The following SPOCK1 variants were observed in gnomAD, a reference collection of about 807,000 sequenced individuals.
SPOCK1 encodes the protein SPARC (osteonectin), cwcv and kazal like domains proteoglycan 1.
In SPOCK1, 23 loss-of-function variants were observed where a neutral mutation model predicts 55.3. That is an observed-to-expected ratio of 0.42 (90% CI 0.30 to 0.59). The LOEUF (loss-of-function observed/expected upper bound fraction) is 0.59. Among genes scored for constraint, SPOCK1 ranks in the 20% least tolerant of loss-of-function variants. The pLI is 0.22. For synonymous variants in SPOCK1, 226 were observed against 221.0 expected (o/e 1.02, Z -0.20); for missense variants, 499 against 552.5 (o/e 0.90, Z 0.97).
intron 2 of SPOCK1, among the ~76,000 whole-genome samples, chr5:137,350,096 AGT>A (rs1457948634): frequency 6.6e-6 from 1 of 152,202 alleles, no homozygotes; most frequent in Non-Finnish European, 1.5e-5. Context: ...TTCCTCTAGC[AGT>A]TCAAACAGAA....
At chr5:137,151,453 T>G (rs1050744361) in intron 3 of SPOCK1, among the ~76,000 whole-genome samples, 34 of 152,230 alleles carry the variant, frequency 2.2e-4, no homozygotes, top group Non-Finnish European at 4.7e-4. Context: ...TTAGGAGCTC[T>G]TTGGTAGAAA....
chr5:137,012,037 C>T (rs989667637), intron 6 of SPOCK1, among the ~76,000 whole-genome samples: 6 of 152,214 alleles, frequency 3.9e-5, no homozygotes, highest in African/African-American at 1.4e-4. Flanking sequence ...AGAAAATCCA[C>T]TGAAATTATT....
At chr5:137,079,026 A>G (rs534016299) in intron 5 of SPOCK1, among the ~76,000 whole-genome samples, 2 of 152,160 alleles carry the variant, frequency 1.3e-5, no homozygotes, top group South Asian at 2.1e-4. Flanking sequence ...CTTGCAGACC[A>G]CGCTTACTCC....
At position 137,292,426 on chromosome 5, in the gene SPOCK1, TAAAAAAAAAAAAAAAAAAAAAAAAAAAAA is replaced by T. The variant is rs753574851; in HGVS notation, c.187-25400_187-25372del. On this transcript the variant is annotated intron_variant, in intron 2 of 10. Coordinates refer to ENST00000394945, the MANE Select transcript of SPOCK1 (RefSeq NM_004598.4). The stretch of plus-strand genomic sequence containing the variant: ...TATGCTGTCCATTCACTGGTGTAGT[TAAAAAAAAAAAAAAAAAAAAAAAAAAAAA>T]AAAAAAAAAAAAAAAAGTTGGAGGA... 4.6e-3 allele frequency among the ~76,000 whole-genome samples: 175 copies of T among 38,006 alleles called. 4 individuals carry two copies. The highest frequency in any genetic ancestry group is 7.4e-3 in the Non-Finnish European group (153 of 20,634). The allele number at this position is 38,006 out of a possible 152,430, so 24.9% of individuals were successfully genotyped here.
At chr5:137,014,636 T>C (rs1751416401) in intron 6 of SPOCK1, among the ~76,000 whole-genome samples, 1 of 152,168 alleles carries the variant, frequency 6.6e-6, no homozygotes, top group Non-Finnish European at 1.5e-5. Flanking sequence ...CTCTCAGATC[T>C]ATCCACAAGA....
In SPOCK1 at chr5:137,045,488, GTTGT is replaced by G. The variant is rs1346008844; in HGVS notation, c.589+22223_589+22226del. On this transcript the variant is annotated intron_variant, in intron 6 of 10. Transcript: ENST00000394945. The stretch of plus-strand genomic sequence containing the variant: ...TGTCCTTCGCCCACTTTTTGATGGG[GTTGT>G]TTGTTTTTTTCTTGTAAATTTGTTT... 2.7e-3 allele frequency among the ~76,000 whole-genome samples: 24 copies of G among 8,942 alleles called. 1 individual carries two copies. The highest frequency in any genetic ancestry group is 0.022 in the Admixed American group (21 of 964). The allele number at this position is 8,942 out of a possible 152,430, so 5.9% of individuals were successfully genotyped here. A position where few individuals can be genotyped will look rare whatever the true frequency, so the allele number is the denominator to read the frequency against.
intron 2 of SPOCK1, among the ~76,000 whole-genome samples, chr5:137,326,161 G>T (rs1758073232): frequency 6.6e-6 from 1 of 152,058 alleles, no homozygotes; most frequent in African/African-American, 2.4e-5. Flanking sequence ...ATGAAAAAAA[G>T]GCAGCTCCCA....
At chr5:137,222,743 C>A (rs765925002) in intron 3 of SPOCK1, among the ~76,000 whole-genome samples, 1 of 152,186 alleles carries the variant, frequency 6.6e-6, no homozygotes, top group Non-Finnish European at 1.5e-5. Flanking sequence ...ATTAATTGAG[C>A]ACCTACTGTG....
intron 6 of SPOCK1, among the ~76,000 whole-genome samples, chr5:137,041,942 C>T (rs1752008573): frequency 6.6e-6 from 1 of 152,168 alleles, no homozygotes; most frequent in Non-Finnish European, 1.5e-5. Context: ...AGTAACAGCA[C>T]TCCTAAGTAT....
intron 2 of SPOCK1, among the ~76,000 whole-genome samples, chr5:137,452,117 T>C (rs1753266531): frequency 6.6e-6 from 1 of 152,242 alleles, no homozygotes; most frequent in Admixed American, 6.5e-5. Flanking sequence ...GGATTTGGGA[T>C]GTTCAATCTG....
chr5:137,474,634 T>G (rs1273167278), intron 2 of SPOCK1, among the ~76,000 whole-genome samples: 5 of 152,162 alleles, frequency 3.3e-5, no homozygotes, highest in Non-Finnish European at 7.3e-5. Context: ...GCCTAGAATA[T>G]CTTATTATGC....
intron 3 of SPOCK1, among the ~76,000 whole-genome samples, chr5:137,174,502 T>C (rs985285950): frequency 1.3e-5 from 2 of 152,222 alleles, no homozygotes; most frequent in African/African-American, 4.8e-5. Context: ...CCCTCCTTTA[T>C]ACCATGTCCG....
intron 2 of SPOCK1, among the ~76,000 whole-genome samples, chr5:137,467,626 G>T (rs189497673): frequency 2.0e-4 from 30 of 152,342 alleles, no homozygotes; most frequent in African/African-American, 6.3e-4. Context: ...AATGTGATCT[G>T]CTTGGGATTC....
intron 5 of SPOCK1, among the ~76,000 whole-genome samples, chr5:137,109,890 G>T (rs1190935297): frequency 6.6e-6 from 1 of 152,122 alleles, no homozygotes; most frequent in Non-Finnish European, 1.5e-5. Flanking sequence ...ACTAAAATTT[G>T]AAATTACATA....
intron 2 of SPOCK1, among the ~76,000 whole-genome samples, chr5:137,326,890 C>G (rs1758087069): frequency 6.6e-6 from 1 of 152,214 alleles, no homozygotes; most frequent in African/African-American, 2.4e-5. Flanking sequence ...TAATTTCTCT[C>G]AGGATGTCCT....
chr5:137,020,096 G>T (rs1433035999), intron 6 of SPOCK1, among the ~76,000 whole-genome samples: 13 of 150,604 alleles, frequency 8.6e-5, no homozygotes, highest in Non-Finnish European at 1.2e-4. Context: ...ATAGGAAAAA[G>T]AATCCAAAAT....
chr5:137,307,134 C>T (rs1757712967), intron 2 of SPOCK1, among the ~76,000 whole-genome samples: 1 of 152,136 alleles, frequency 6.6e-6, no homozygotes, highest in Non-Finnish European at 1.5e-5. Context: ...TGTACATATC[C>T]AACGCCCAGT....
chr5:137,163,330 G>C (rs908792252), intron 3 of SPOCK1, among the ~76,000 whole-genome samples: 3 of 152,186 alleles, frequency 2.0e-5, no homozygotes, highest in Non-Finnish European at 4.4e-5. Flanking sequence ...GCCAGGGAAA[G>C]GCAGCAAAGA....
intron 2 of SPOCK1, among the ~76,000 whole-genome samples, chr5:137,442,818 C>T (rs1047468365): frequency 3.3e-5 from 5 of 152,220 alleles, no homozygotes; most frequent in Non-Finnish European, 5.9e-5. Context: ...CCTTTTCTGG[C>T]CACAATTCAC....
Sources: gnomAD v4.1 joint callset for allele counts (sites outside exome capture counted in the v4.1 genomes callset) on GRCh38, gnomAD v4.1.1 for gene constraint, MANE v1.5 for transcripts, NCBI Gene and HGNC (gene_info 2026-07-23, HGNC 2026-07-21) for gene names.